The following RBFOX1 variants were observed in gnomAD, a reference collection of about 807,000 sequenced individuals.
RBFOX1 encodes the protein RNA binding fox-1 homolog 1.
RBFOX1 carries 8 observed loss-of-function variants against 57.7 expected under a neutral mutation model. The ratio of observed to expected loss-of-function variants is 0.14; its 90% confidence interval spans 0.08 to 0.25. RBFOX1 has a LOEUF of 0.25. Ranked by LOEUF, RBFOX1 falls within the 10% of genes least tolerant of loss-of-function variation. The pLI, the probability that RBFOX1 is intolerant of heterozygous loss-of-function variation, is 1.00. For missense variants in RBFOX1, 611 were observed against 548.5 expected, an observed-to-expected ratio of 1.11 and a Z score of -1.14; for synonymous variants, 326 against 222.4, an observed-to-expected ratio of 1.47 and a Z score of -4.15.
chr16:7,064,984 C>T (rs889374437), intron 4 of RBFOX1, among the ~76,000 whole-genome samples: 8 of 152,132 alleles, frequency 5.3e-5, no homozygotes, highest in African/African-American at 9.7e-5. Context: ...CTGTGTGTCA[C>T]CACCACATAC....
intron 4 of RBFOX1, among the ~76,000 whole-genome samples, chr16:7,055,644 C>T (rs183577288): frequency 2.0e-5 from 3 of 152,324 alleles, no homozygotes; most frequent in East Asian, 3.9e-4. Flanking sequence ...CCAATCTCTA[C>T]ATCAATCACT....
intron 4 of RBFOX1, among the ~76,000 whole-genome samples, chr16:5,930,980 G>A (rs1457018143): frequency 6.6e-6 from 1 of 151,012 alleles, no homozygotes; most frequent in Non-Finnish European, 1.5e-5. Flanking sequence ...ATGCATGGAT[G>A]GATGCATGGA....
chr16:7,299,872 A>T (rs1415328860), intron 4 of RBFOX1, among the ~76,000 whole-genome samples: 1 of 152,232 alleles, frequency 6.6e-6, no homozygotes, highest in Non-Finnish European at 1.5e-5. Flanking sequence ...TTGTAAGTTG[A>T]AAATATCATA....
At chr16:6,614,461 C>G (rs2098115516) in intron 2 of RBFOX1, among the ~76,000 whole-genome samples, 1 of 152,166 alleles carries the variant, frequency 6.6e-6, no homozygotes, top group Non-Finnish European at 1.5e-5. Flanking sequence ...CCCAGTTAAT[C>G]TTTACCGGGA....
chr16:5,480,797 C>T lies in RBFOX1; in HGVS notation c.258+13543C>T, dbSNP rs1337668488. Among the ~76,000 whole-genome samples, 6 of 152,320 alleles carry T rather than the reference C, an allele frequency of 3.9e-5. No individual in the cohort carries two copies. The East Asian group carries it at 1.2e-3, about 29-fold the overall frequency. On this transcript the variant is annotated intron_variant, in intron 2 of 2. Transcript: ENST00000585867. ...TCTGTGCCTTTCTTCTCAGTGCATG[C>T]ATAATATGTCACCAAGTGGATGTAC...
chr16:7,074,013 T>G (rs1446507593), intron 4 of RBFOX1, among the ~76,000 whole-genome samples: 5 of 152,240 alleles, frequency 3.3e-5, no homozygotes, highest in African/African-American at 9.6e-5. Context: ...CCTATTTGTT[T>G]CCATTTTGCC....
chr16:7,447,435 A>C (rs971988640), intron 4 of RBFOX1, among the ~76,000 whole-genome samples: 1 of 150,966 alleles, frequency 6.6e-6, no homozygotes, highest in African/African-American at 2.4e-5. Flanking sequence ...TATCTCAAAA[A>C]AAAAAAAAAA....
At chr16:6,636,516 A>C (rs1233436343) in intron 2 of RBFOX1, among the ~76,000 whole-genome samples, 1 of 151,912 alleles carries the variant, frequency 6.6e-6, no homozygotes, top group Non-Finnish European at 1.5e-5. Context: ...TAATAACAAT[A>C]TTAAAAAATT....
chr16:6,095,302 G>C (rs1164884999), intron 1 of RBFOX1, among the ~76,000 whole-genome samples: 1 of 152,188 alleles, frequency 6.6e-6, no homozygotes, highest in Non-Finnish European at 1.5e-5. Flanking sequence ...AATCCTTCAT[G>C]GGTTTGTAAG....
At position 6,790,877 on chromosome 16, in the gene RBFOX1, G is replaced by A. The variant is rs549526178; in HGVS notation, c.-16+136227G>A. Among the ~76,000 whole-genome samples the A allele has an allele frequency of 3.3e-5, 5 of 152,084 alleles. No individual in the cohort carries two copies. The East Asian group carries it at 7.7e-4, about 24-fold the overall frequency. ...TGTGTGTCACCAAATTATGGTAAAG[G>A]ATGGTATTTGTGTGGTTTATTTTTT... On this transcript the variant is annotated intron_variant, in intron 3 of 15. Coordinates refer to ENST00000550418, the MANE Select transcript of RBFOX1 (RefSeq NM_018723.4).
intron 1 of RBFOX1, among the ~76,000 whole-genome samples, chr16:6,259,635 T>G (rs79064004): frequency 6.6e-6 from 1 of 152,058 alleles, no homozygotes; most frequent in African/African-American, 2.4e-5. Flanking sequence ...GAAAAATATC[T>G]GCGATCATGT....
chr16:7,674,440 ATCTCCAAGTGG>A (rs1204107953), intron 13 of RBFOX1, among the ~76,000 whole-genome samples: 2 of 152,226 alleles, frequency 1.3e-5, no homozygotes, highest in Non-Finnish European at 2.9e-5. Context: ...TAGAACATTC[ATCTCCAAGTGG>A]TCTACTGCAC....
chr16:7,273,110 C>T (rs1603468186), intron 4 of RBFOX1, among the ~76,000 whole-genome samples: 1 of 122,008 alleles, frequency 8.2e-6, no homozygotes, highest in African/African-American at 3.3e-5. Context: ...TTTCCTCCTT[C>T]CCTCTCTCCC....
chr16:5,581,699 G>A (rs1199501098), intron 2 of RBFOX1, among the ~76,000 whole-genome samples: 2 of 152,164 alleles, frequency 1.3e-5, no homozygotes, highest in African/African-American at 4.8e-5. Context: ...TCCAAGCCAG[G>A]GTGACAGACA....
chr16:6,145,120 T>C (rs930353252), intron 1 of RBFOX1, among the ~76,000 whole-genome samples: 5 of 152,096 alleles, frequency 3.3e-5, no homozygotes, highest in South Asian at 2.1e-4. Context: ...GTTGTAAAGA[T>C]AATTTCATCA....
At chr16:6,703,395 G>C (rs1197850987) in intron 3 of RBFOX1, among the ~76,000 whole-genome samples, 1 of 151,960 alleles carries the variant, frequency 6.6e-6, no homozygotes, top group Admixed American at 6.6e-5. Context: ...GCAACATAGT[G>C]AGACCCCATC....
chr16:6,745,522 C>G (rs868764521), intron 3 of RBFOX1, among the ~76,000 whole-genome samples: 1 of 152,098 alleles, frequency 6.6e-6, no homozygotes, highest in Admixed American at 6.6e-5. Flanking sequence ...ATGAAATACA[C>G]CATATTAACA....
intron 3 of RBFOX1, among the ~76,000 whole-genome samples, chr16:6,801,548 T>G (rs187816011): frequency 2.0e-5 from 3 of 152,192 alleles, no homozygotes; most frequent in Non-Finnish European, 4.4e-5. Context: ...CCTTGAAATT[T>G]AGGGTGCAGC....
intron 4 of RBFOX1, among the ~76,000 whole-genome samples, chr16:5,980,677 A>C (rs11867136): frequency 2.1e-4 from 32 of 152,266 alleles, no homozygotes; most frequent in African/African-American, 7.7e-4. Flanking sequence ...AACATTAATT[A>C]ATATCATGAG....
Sources: gnomAD v4.1 joint callset for allele counts (sites outside exome capture counted in the v4.1 genomes callset) on GRCh38, gnomAD v4.1.1 for gene constraint, MANE v1.5 for transcripts, NCBI Gene and HGNC (gene_info 2026-07-23, HGNC 2026-07-21) for gene names.